Variants in ARHGEF28 observed in about 807,000 individuals in gnomAD.
ARHGEF28 encodes 190 kDa guanine nucleotide exchange factor.
ARHGEF28 carries 152 observed loss-of-function variants against 206.6 expected under a neutral mutation model. That is an observed-to-expected ratio of 0.74 (90% CI 0.64 to 0.84). The LOEUF (loss-of-function observed/expected upper bound fraction) is 0.84. Among genes scored for constraint, ARHGEF28 ranks in the 40% least tolerant of loss-of-function variants. The pLI is 0.00. For missense variants in ARHGEF28, 2,028 were observed against 2,073.2 expected (o/e 0.98, Z 0.42); for synonymous variants, 763 against 776.4 (o/e 0.98, Z 0.29).
chr5:73,658,106 T>A (rs1360529455), intron 1 of ARHGEF28, among the ~76,000 whole-genome samples: 2 of 151,198 alleles, frequency 1.3e-5, no homozygotes, highest in Admixed American at 6.6e-5. Context: ...TGTTATTCAA[T>A]CCATTATTTG....
At chr5:73,656,450 T>C (rs1481352970) in intron 1 of ARHGEF28, among the ~76,000 whole-genome samples, 1 of 152,190 alleles carries the variant, frequency 6.6e-6, no homozygotes, top group African/African-American at 2.4e-5. Flanking sequence ...ACTTGGGAGA[T>C]TTTTGTCTCT....
chr5:73,858,676 T>C (rs1759204140), intron 16 of ARHGEF28, among the ~76,000 whole-genome samples: 1 of 152,206 alleles, frequency 6.6e-6, no homozygotes, highest in Non-Finnish European at 1.5e-5. Context: ...CTACCACTGA[T>C]ATCATTCTGG....
rs577671053 is a variant in ARHGEF28 at position 73,827,422 on chromosome 5, A to G, written c.1025-4916A>G. ...AAATATTTAGGAAGCATAACTAATAAAGAATTTATAGGGTGCTTACTATGT... is the reference window on the plus strand; with the variant it reads ...AAATATTTAGGAAGCATAACTAATAGAGAATTTATAGGGTGCTTACTATGT... On this transcript the variant is annotated intron_variant, in intron 9 of 35. Transcript: ENST00000513042. Among the ~76,000 whole-genome samples, 6 of 152,332 alleles carry G rather than the reference A, an allele frequency of 3.9e-5. No individual in the cohort carries two copies. In the East Asian group the frequency reaches 1.2e-3, roughly 29 times the overall value.
intron 7 of ARHGEF28, among the ~76,000 whole-genome samples, chr5:73,787,860 T>C (rs1192285171): frequency 6.6e-6 from 1 of 152,204 alleles, no homozygotes; most frequent in Non-Finnish European, 1.5e-5. Context: ...TAGGATATCA[T>C]GATGATATGA....
At position 73,819,711 on chromosome 5, in the gene ARHGEF28, G is replaced by A. The variant is rs1756452927; in HGVS notation, c.1025-12627G>A. 2.0e-5 allele frequency among the ~76,000 whole-genome samples: 3 copies of A among 152,246 alleles called. No homozygotes were observed. In the South Asian group the frequency reaches 6.2e-4, roughly 32 times the overall value. Reference sequence around the variant, plus strand: ...GTTGCCCAGGTTCCTGCCTCTCAAGGCTTGGATGCTTAATTCTTTTAGTTT... The same window carrying A: ...GTTGCCCAGGTTCCTGCCTCTCAAGACTTGGATGCTTAATTCTTTTAGTTT... On this transcript the variant is annotated intron_variant, in intron 9 of 35. Coordinates refer to ENST00000513042, the MANE Select transcript of ARHGEF28 (RefSeq NM_001177693.2).
At chr5:73,709,842 A>G (rs1364927414) in intron 2 of ARHGEF28, among the ~76,000 whole-genome samples, 3 of 152,188 alleles carry the variant, frequency 2.0e-5, no homozygotes, top group Non-Finnish European at 2.9e-5. Flanking sequence ...AGCCTTTTGT[A>G]TATGGCTTCT....
At position 73,650,631 on chromosome 5, in the gene ARHGEF28, C is replaced by T. The variant is rs1744754109; in HGVS notation, c.-12+24309C>T. 2.6e-5 allele frequency among the ~76,000 whole-genome samples: 4 copies of T among 151,718 alleles called. No individual in the cohort carries two copies. The South Asian group carries it at 8.4e-4, about 32-fold the overall frequency. Reference sequence around the variant, plus strand: ...AATTACCTGTATACATAGGCTTCTTCTTCCTTCTTCTTAATTTTTTTTTTT... The same window carrying T: ...AATTACCTGTATACATAGGCTTCTTTTTCCTTCTTCTTAATTTTTTTTTTT... On this transcript the variant is annotated intron_variant, in intron 1 of 35. Transcript: ENST00000513042.
At chr5:73,802,857 G>A (rs1254933983) in intron 9 of ARHGEF28, among the ~76,000 whole-genome samples, 1 of 148,572 alleles carries the variant, frequency 6.7e-6, no homozygotes, top group Admixed American at 6.8e-5. Flanking sequence ...TAATTGGCCA[G>A]CAAGCTCGAT....
chr5:73,633,650 C>G (rs2112121254), intron 1 of ARHGEF28, among the ~76,000 whole-genome samples: 1 of 143,898 alleles, frequency 6.9e-6, no homozygotes, highest in African/African-American at 2.6e-5. Flanking sequence ...GATCTCAGCT[C>G]ACTGCAACCT....
At chr5:73,630,874 C>T (rs1392987254) in intron 1 of ARHGEF28, among the ~76,000 whole-genome samples, 1 of 152,240 alleles carries the variant, frequency 6.6e-6, no homozygotes, top group Non-Finnish European at 1.5e-5. Context: ...TGGAAAGGTA[C>T]TGTCTAAAAG....
intron 4 of ARHGEF28, among the ~76,000 whole-genome samples, chr5:73,770,728 GCT>G (rs1753177285): frequency 6.6e-6 from 1 of 152,166 alleles, no homozygotes; most frequent in Admixed American, 6.5e-5. Flanking sequence ...GAATGAGAAA[GCT>G]CTCTCTTACA....
At chr5:73,923,268 C>A in intron 35 of ARHGEF28, 1 of 1,012,516 alleles carries the variant, frequency 9.9e-7, no homozygotes, top group South Asian at 1.7e-5. Flanking sequence ...AACAAGCAGT[C>A]TGAGATAAAG....
At chr5:73,845,857 G>A (rs1313932237) in intron 11 of ARHGEF28, among the ~76,000 whole-genome samples, 3 of 151,626 alleles carry the variant, frequency 2.0e-5, no homozygotes, top group East Asian at 1.9e-4. Context: ...GCGTGGTGGC[G>A]CACGCCTGTA....
At chr5:73,721,779 T>C (rs780394530) in intron 2 of ARHGEF28, among the ~76,000 whole-genome samples, 2 of 152,230 alleles carry the variant, frequency 1.3e-5, no homozygotes, top group Non-Finnish European at 2.9e-5. Flanking sequence ...CTAGAGGTTT[T>C]ATTTATTTGT....
In ARHGEF28 at chr5:73,909,912, C is replaced by A. The variant is rs1433414395; in HGVS notation, c.4647+15C>A. 1 of 1,489,346 alleles carries A rather than the reference C, an allele frequency of 6.7e-7. No individual in the cohort carries two copies. The highest frequency in any genetic ancestry group is 2.3e-5 in the Admixed American group (1 of 43,318). 92.3% of individuals were successfully genotyped at this position (1,489,346 alleles called of 1,614,324 possible). A position where few individuals can be genotyped will look rare whatever the true frequency, so the allele number is the denominator to read the frequency against. ...GTGGCCCCGAGGTATGGACCTTCTG[C>A]GGTGCTGTGAGGCAGCCTCTCAAAG... On this transcript the variant is annotated intron_variant, in intron 34 of 35. Transcript: ENST00000513042.
chr5:73,710,392 C>G (rs750205054), intron 2 of ARHGEF28, among the ~76,000 whole-genome samples: 3 of 152,120 alleles, frequency 2.0e-5, no homozygotes, highest in Non-Finnish European at 2.9e-5. Flanking sequence ...ACTCCCTCTC[C>G]TTTTTTATTG....
intron 1 of ARHGEF28, among the ~76,000 whole-genome samples, chr5:73,684,480 T>C (rs1747317186): frequency 6.6e-6 from 1 of 152,236 alleles, no homozygotes; most frequent in Admixed American, 6.5e-5. Flanking sequence ...CATCCGTCAA[T>C]GGACATTTGG....
At chr5:73,630,476 TAC>T (rs533099677) in intron 1 of ARHGEF28, among the ~76,000 whole-genome samples, 5 of 152,382 alleles carry the variant, frequency 3.3e-5, no homozygotes, top group South Asian at 4.1e-4. Flanking sequence ...TGATTTAATT[TAC>T]AGAGAACCCT....
At chr5:73,756,837 CGT>C (rs919763844) in intron 4 of ARHGEF28, among the ~76,000 whole-genome samples, 2 of 152,074 alleles carry the variant, frequency 1.3e-5, no homozygotes, top group Non-Finnish European at 2.9e-5. Context: ...AGAAGGAAAA[CGT>C]GGAGTTTTTA....
Sources: gnomAD v4.1 joint callset for allele counts (sites outside exome capture counted in the v4.1 genomes callset) on GRCh38, gnomAD v4.1.1 for gene constraint, MANE v1.5 for transcripts, NCBI Gene and HGNC (gene_info 2026-07-23, HGNC 2026-07-21) for gene names.